Variants in SHC3 observed in about 807,000 individuals in gnomAD.
SHC3 encodes SHC adaptor protein 3.
SHC3 carries 15 observed loss-of-function variants against 60.4 expected under a neutral mutation model. The ratio of observed to expected loss-of-function variants is 0.25; its 90% CI spans 0.17 to 0.38. The LOEUF (loss-of-function observed/expected upper bound fraction) is 0.38. Ranked by LOEUF, SHC3 falls within the 10% of genes least tolerant of loss-of-function variation. The pLI is 1.00. For synonymous variants in SHC3, 294 were observed against 325.9 expected (o/e 0.90, Z 1.05); for missense variants, 677 against 786.1 (o/e 0.86, Z 1.66).
chr9:89,108,139 T>C (rs1825891264), intron 2 of SHC3, among the ~76,000 whole-genome samples: 6 of 152,204 alleles, frequency 3.9e-5, no homozygotes, highest in Admixed American at 3.9e-4. Context: ...AGCCTAGGTG[T>C]GCAGTAGGTG....
chr9:89,177,195 T>C (rs1049260599), intron 1 of SHC3, among the ~76,000 whole-genome samples: 5 of 152,234 alleles, frequency 3.3e-5, no homozygotes, highest in Admixed American at 6.5e-5. Context: ...TTTCCTTAAA[T>C]ATCATAACAT....
intron 1 of SHC3, among the ~76,000 whole-genome samples, chr9:89,146,519 A>G (rs745479580): frequency 2.0e-5 from 3 of 152,314 alleles, no homozygotes. Context: ...AATTAGGTCT[A>G]AATAAGTGCT....
chr9:89,144,056 G>A (rs4876970), intron 1 of SHC3, among the ~76,000 whole-genome samples: 14 of 152,116 alleles, frequency 9.2e-5, no homozygotes, highest in Non-Finnish European at 1.9e-4. Flanking sequence ...TCCATAAAAG[G>A]TCTTATTTAA....
chr9:89,132,275 G>A (rs1826257883), intron 1 of SHC3, among the ~76,000 whole-genome samples: 1 of 152,178 alleles, frequency 6.6e-6, no homozygotes, highest in Admixed American at 6.5e-5. Context: ...CAAACAAATG[G>A]AAGAACATTC....
At chr9:89,037,964 G>C (rs777317063) in intron 11 of SHC3, 29 bp downstream of exon 11, 15 of 1,598,736 alleles carry the variant, frequency 9.4e-6, no homozygotes, top group Non-Finnish European at 1.3e-5. Context: ...CCACTGGCAG[G>C]TCCGGCCCCA....
chr9:89,173,897 T>A (rs1291226445), intron 1 of SHC3, among the ~76,000 whole-genome samples: 3 of 152,204 alleles, frequency 2.0e-5, no homozygotes, highest in African/African-American at 7.2e-5. Flanking sequence ...GATATTTACG[T>A]GTAAGCCATC....
At chr9:89,084,831 T>C (rs540205180) in intron 2 of SHC3, among the ~76,000 whole-genome samples, 5 of 152,148 alleles carry the variant, frequency 3.3e-5, no homozygotes, top group African/African-American at 7.2e-5. Context: ...CTGAGGGAGA[T>C]GGTGCCATGT....
At chr9:89,112,103 C>T (rs1455733011) in intron 2 of SHC3, among the ~76,000 whole-genome samples, 2 of 152,184 alleles carry the variant, frequency 1.3e-5, no homozygotes, top group African/African-American at 4.8e-5. Flanking sequence ...AATTGGTCTG[C>T]TTGCTGAATG....
intron 2 of SHC3, among the ~76,000 whole-genome samples, chr9:89,085,872 C>A (rs142111558): frequency 3.3e-5 from 5 of 152,356 alleles, no homozygotes; most frequent in African/African-American, 9.6e-5. Context: ...TGAGCAGCCA[C>A]ACGAGTTCCT....
chr9:89,143,026 C>T lies in SHC3; in HGVS notation c.475-30400G>A, dbSNP rs375141309. 1.7e-4 allele frequency among the ~76,000 whole-genome samples: 26 copies of T among 152,092 alleles called. No homozygotes were observed. In the South Asian group the frequency reaches 3.9e-3, roughly 23 times the overall value. ...GACTCAAGAGAGGGATATTGGATCT[C>T]GGATCTCGCACAAGAAAGAATTTGA... On this transcript the variant is annotated intron_variant, in intron 1 of 11. Transcript: ENST00000375835.
chr9:89,130,628 A>G (rs1013768374), intron 1 of SHC3, among the ~76,000 whole-genome samples: 23 of 152,346 alleles, frequency 1.5e-4, no homozygotes, highest in African/African-American at 5.3e-4. Flanking sequence ...AAACTGCTCA[A>G]CTACATGGAA....
intron 1 of SHC3, among the ~76,000 whole-genome samples, chr9:89,153,876 G>A (rs140810201): frequency 2.6e-5 from 4 of 152,346 alleles, no homozygotes; most frequent in East Asian, 1.9e-4. Flanking sequence ...GGCTCAGACT[G>A]CGGACCTTCA....
At chr9:89,013,647 T>C (rs1826046903) in intron 11 of SHC3, 72 bp from the exon 12 acceptor site, 3 of 1,537,002 alleles carry the variant, frequency 2.0e-6, no homozygotes, top group Non-Finnish European at 2.6e-6. Flanking sequence ...TTGCTCAGAA[T>C]CAGCCAGACC....
intron 2 of SHC3, among the ~76,000 whole-genome samples, chr9:89,106,576 T>C (rs1333636706): frequency 6.6e-6 from 1 of 151,962 alleles, no homozygotes; most frequent in African/African-American, 2.4e-5. Context: ...CATCCTAGCT[T>C]CCCCAGTTCC....
chr9:89,103,875 A>G (rs1825818127), intron 2 of SHC3, among the ~76,000 whole-genome samples: 1 of 152,114 alleles, frequency 6.6e-6, no homozygotes, highest in African/African-American at 2.4e-5. Context: ...CAGACTCTAA[A>G]CCTACTACCA....
At chr9:89,033,010 C>A (rs202063070) in intron 11 of SHC3, among the ~76,000 whole-genome samples, 1 of 130,394 alleles carries the variant, frequency 7.7e-6, no homozygotes, top group Non-Finnish European at 1.7e-5. Flanking sequence ...TTAGATCCAA[C>A]AAAAAAGCCC....
chr9:89,085,159 C>T (rs577392218), intron 2 of SHC3, among the ~76,000 whole-genome samples: 2 of 152,298 alleles, frequency 1.3e-5, no homozygotes, highest in African/African-American at 4.8e-5. Flanking sequence ...GAAAAGGGGA[C>T]CACTGTGGTG....
rs147630573 is a variant in SHC3, at chr9:89,087,403, C to A, written c.546-9500G>T. ...CACAGCAAATCAGAACGAATCAGAA[C>A]TTTCCCCTCCCCTCACCAAGCAGTG... On this transcript the variant is annotated intron_variant, in intron 2 of 11. Coordinates refer to ENST00000375835, the MANE Select transcript of SHC3 (RefSeq NM_016848.6). Among the ~76,000 whole-genome samples the A allele has an allele frequency of 2.0e-3, 303 of 152,256 alleles. 3 individuals are homozygous for A. Among genetic ancestry groups the A allele is most frequent in the African/African-American group, 6.4e-3 (268 of 41,556 alleles).
rs374597435 is a variant in SHC3, at chr9:89,053,927, G to C, written c.836-1764C>G. ...GTTCCCCTGACCTGTCCTGTGCCAC[G>C]CCCCTCCCGGCCCTGCTGTCCAGCA... On this transcript the variant is annotated intron_variant, in intron 6 of 11. Transcript: ENST00000375835. Among the ~76,000 whole-genome samples the C allele has an allele frequency of 9.8e-5, 15 of 152,304 alleles. No homozygotes were observed. In the East Asian group the frequency reaches 2.7e-3, roughly 27 times the overall value.
Sources: gnomAD v4.1 joint callset for allele counts (sites outside exome capture counted in the v4.1 genomes callset) on GRCh38, gnomAD v4.1.1 for gene constraint, MANE v1.5 for transcripts, NCBI Gene and HGNC (gene_info 2026-07-23, HGNC 2026-07-21) for gene names.